The following SLC19A1 variants were observed in gnomAD, a reference collection of about 807,000 sequenced individuals.
SLC19A1 encodes the protein solute carrier family 19 member 1, also known as reduced folate transporter.
A neutral mutation model predicts 35.3 loss-of-function variants in SLC19A1; 37 were observed. The observed-to-expected ratio is 1.05, with a 90% CI of 0.81 to 1.38. The LOEUF (loss-of-function observed/expected upper bound fraction) is 1.38, where lower values mean the gene tolerates loss of function less well. Ranked by LOEUF, SLC19A1 falls within the 40% of genes most tolerant of loss-of-function variation. The probability of loss-of-function intolerance (pLI) is 0.00; values close to 1 mark genes in which losing one functional copy is unlikely to be tolerated. For missense variants in SLC19A1, 831 were observed against 826.9 expected (o/e 1.00, Z -0.06); for synonymous variants, 460 against 398.5 (o/e 1.15, Z -1.84).
In SLC19A1 at chr21:45,534,394, G is replaced by A. The variant is rs1316954054; in HGVS notation, c.190-2246C>T. The A allele has an allele frequency of 3.0e-6, 2 of 664,398 alleles. No homozygotes were observed. The highest frequency in any genetic ancestry group is 2.8e-5 in the East Asian group (1 of 35,734). The allele number at this position is 664,398 out of a possible 1,614,324, so 41.2% of individuals were successfully genotyped here. Reference sequence around the variant, plus strand: ...CCCAGACACAGGAGGCTGCGTGGGGGCATGACAGCCCCAGCCCCTGGCCGG... The same window carrying A: ...CCCAGACACAGGAGGCTGCGTGGGGACATGACAGCCCCAGCCCCTGGCCGG... On this transcript the variant is annotated intron_variant, in intron 2 of 5. Transcript: ENST00000311124. This position sits in a 1 kb window ranked among gnomAD's most constrained non-coding sequence, Gnocchi z 4.2.
rs2078253684 is a variant in SLC19A1, at chr21:45,540,021, G to T, written c.-49-2013C>A. 6.6e-6 allele frequency among the ~76,000 whole-genome samples: 1 copy of T among 152,128 alleles called. No homozygotes were observed. Among genetic ancestry groups the T allele is most frequent in the Non-Finnish European group, 1.5e-5 (1 of 68,004 alleles). On this transcript the variant is annotated intron_variant, in intron 1 of 5. Coordinates refer to ENST00000311124, the MANE Select transcript of SLC19A1 (RefSeq NM_194255.4). This position sits in a 1 kb window ranked among gnomAD's most constrained non-coding sequence, Gnocchi z 5.5. The stretch of plus-strand genomic sequence containing the variant: ...AAGCGCAGGCAGGGGCCACTGCCAG[G>T]CCGAGGCAGATCTGACGGTCGCCTG...
chr21:45,545,369 G>A (rs758843553), upstream of SLC19A1, among the ~76,000 whole-genome samples: 8 of 151,670 alleles, frequency 5.3e-5, no homozygotes, highest in Non-Finnish European at 1.0e-4. Context: ...AAAAGAGTCC[G>A]GGACCCCCCC....
intron 5 of SLC19A1, among the ~76,000 whole-genome samples, chr21:45,518,242 A>G (rs1406787811): frequency 6.6e-6 from 1 of 152,224 alleles, no homozygotes; most frequent in East Asian, 1.9e-4. Context: ...AATCATCTCA[A>G]CAACAAAATA....
chr21:45,549,281 A>AG (rs1212834402), upstream of SLC19A1, among the ~76,000 whole-genome samples: 6 of 152,018 alleles, frequency 3.9e-5, no homozygotes. Flanking sequence ...TCTGTAGGGG[A>AG]GGGAGGCTCC....
chr21:45,512,068 C>T (rs935563533), downstream of SLC19A1: 265 of 1,121,420 alleles, frequency 2.4e-4, no homozygotes, highest in Middle Eastern at 1.2e-3. Flanking sequence ...GTGGGAGCCT[C>T]TGCAGCCCCC....
chr21:45,543,388 C>T (rs955714773), upstream of SLC19A1, among the ~76,000 whole-genome samples: 2 of 152,238 alleles, frequency 1.3e-5, no homozygotes, highest in African/African-American at 4.8e-5. Context: ...AAGTCCACTG[C>T]ACAGAACAGA....
Position 45,515,035 on chromosome 21 carries a change from G to C in SLC19A1, c.*623C>G, listed in dbSNP as rs774629533. The stretch of plus-strand genomic sequence containing the variant: ...CCATGGAGGGCTGCCCTTAGGGTGG[G>C]AGAGAGGAACCAGCTCCGAGGACCA... On this transcript the variant is annotated 3_prime_UTR_variant, in exon 6 of 6. Coordinates refer to ENST00000311124, the MANE Select transcript of SLC19A1 (RefSeq NM_194255.4). The C allele has an allele frequency of 6.5e-7, 1 of 1,542,706 alleles. No homozygotes were observed. The highest frequency in any genetic ancestry group is 1.2e-5 in the South Asian group (1 of 82,536).
At chr21:45,562,828 T>G (rs2078627425) in exon 1 of SLC19A1, among the ~76,000 whole-genome samples, 1 of 152,204 alleles carries the variant, frequency 6.6e-6, no homozygotes, top group Non-Finnish European at 1.5e-5. Context: ...TTACGGTAGA[T>G]TCCAACAGTC....
intron 1 of SLC19A1, among the ~76,000 whole-genome samples, chr21:45,552,959 C>A (rs571104157): frequency 6.6e-6 from 1 of 151,980 alleles, no homozygotes; most frequent in Non-Finnish European, 1.5e-5. Flanking sequence ...CCCAGCTCTC[C>A]GTGGCGCCCC....
At position 45,530,838 on chromosome 21, in the gene SLC19A1, G is replaced by A. The variant is rs551442375; in HGVS notation, c.1083C>T (p.Ser361=). ...CGAAGGCCGCATAGCACAGCCAGAT[G>A]CTGCTCGGGTGGCGCGTGTGCGCCA... The part of the protein sequence containing the change: ...FLLAHTRHPS[S]IWLCYAAFVL... Residue 361 remains serine, a synonymous_variant, in exon 4 of 6, where the codon AGC becomes AGT. Coordinates refer to ENST00000311124, the MANE Select transcript of SLC19A1 (RefSeq NM_194255.4). The surrounding 1 kb of genome is among the most constrained non-coding windows in gnomAD (Gnocchi z 5.3). 8.0e-5 allele frequency: 122 copies of A among 1,526,862 alleles called. 1 individual carries two copies. In the South Asian group the frequency reaches 1.4e-3, roughly 18 times the overall value. 94.6% of individuals were successfully genotyped at this position (1,526,862 alleles called of 1,614,324 possible). A position where few individuals can be genotyped will look rare whatever the true frequency, so the allele number is the denominator to read the frequency against.
chr21:45,528,341 G>C (rs1568992058), intron 4 of SLC19A1, among the ~76,000 whole-genome samples: 1 of 152,158 alleles, frequency 6.6e-6, no homozygotes, highest in Non-Finnish European at 1.5e-5. Flanking sequence ...GGGCACAGGT[G>C]ATTGAAAATA....
intron 3 of SLC19A1, chr21:45,502,857 C>G (rs1373307850): frequency 6.6e-6 from 1 of 152,200 alleles, no homozygotes; most frequent in Non-Finnish European, 1.5e-5. Flanking sequence ...TTTCTCAGCA[C>G]GTCTCCCACG....
Position 45,530,083 on chromosome 21 carries a change from C to T in SLC19A1, c.1151+687G>A, listed in dbSNP as rs1036068544. Among the ~76,000 whole-genome samples, 2 of 131,100 alleles carry T rather than the reference C, an allele frequency of 1.5e-5. No individual in the cohort carries two copies. Among genetic ancestry groups the T allele is most frequent in the African/African-American group, 6.0e-5 (2 of 33,570 alleles). 86.0% of individuals were successfully genotyped at this position (131,100 alleles called of 152,430 possible). On this transcript the variant is annotated intron_variant, in intron 4 of 5. Transcript: ENST00000311124. This position sits in a 1 kb window ranked among gnomAD's most constrained non-coding sequence, Gnocchi z 5.3. Reference sequence around the variant, plus strand: ...CATCTGTGAGCATGTGGTGTGTGTTCGTGTGTGGTGTGTCTGTGTGGTGTA... The same window carrying T: ...CATCTGTGAGCATGTGGTGTGTGTTTGTGTGTGGTGTGTCTGTGTGGTGTA...
At position 45,515,576 on chromosome 21, in the gene SLC19A1, C is replaced by T; in HGVS notation, c.*82G>A. ...GCAGGATAAGCGGAGGCCCCCATTG[C>T]TAAGGCAGGCGGCCCTCGAGGCAGG... is the stretch of plus-strand genomic sequence containing the variant. On this transcript the variant is annotated 3_prime_UTR_variant, in exon 6 of 6. Transcript: ENST00000311124. 1 of 1,584,942 alleles carries T rather than the reference C, an allele frequency of 6.3e-7. No homozygotes were observed.
chr21:45,504,754 C>G (rs1223788805), intron 3 of SLC19A1, among the ~76,000 whole-genome samples: 2 of 152,120 alleles, frequency 1.3e-5, no homozygotes, highest in African/African-American at 4.8e-5. Context: ...CGGACACCCC[C>G]CGTCCCCCTG....
intron 3 of SLC19A1, chr21:45,504,450 A>AT: frequency 6.2e-7 from 1 of 1,611,602 alleles, no homozygotes; most frequent in Non-Finnish European, 8.5e-7. Flanking sequence ...GCAGGACAGA[A>AT]AGGCGAAAGG....
At chr21:45,521,001 C>T (rs1052928921) in intron 5 of SLC19A1, among the ~76,000 whole-genome samples, 1 of 137,192 alleles carries the variant, frequency 7.3e-6, no homozygotes, top group Non-Finnish European at 1.5e-5. Flanking sequence ...GCCTGGGCAA[C>T]AAGAGCGAAA....
In SLC19A1 at chr21:45,505,339, C is replaced by T. The variant is rs375236772; in HGVS notation, c.498-6727G>A. 4.4e-4 allele frequency: 702 copies of T among 1,593,298 alleles called. 5 individuals carry two copies. In the African/African-American group the frequency reaches 8.8e-3, roughly 20 times the overall value. ...GCCTCGTGTGGCTTCGTGTTCCCACCTTGGTTTCTCTCCTGCAGCTATCAG... is the reference window on the plus strand; with the variant it reads ...GCCTCGTGTGGCTTCGTGTTCCCACTTTGGTTTCTCTCCTGCAGCTATCAG... On this transcript the variant is annotated intron_variant, in intron 3 of 4. Transcript: ENST00000417954.
In SLC19A1 at chr21:45,534,692, ACCT is replaced by A; in HGVS notation, c.190-2547_190-2545del. Reference sequence around the variant, plus strand: ...AGAGCCCTCCCGCTCCTCTCCCTGCACCTCCTCAACGGCCCCTACTCCCTCTTC... The same window carrying A: ...AGAGCCCTCCCGCTCCTCTCCCTGCACCTCAACGGCCCCTACTCCCTCTTC... On this transcript the variant is annotated intron_variant, in intron 2 of 5. Transcript: ENST00000311124. The surrounding 1 kb of genome is among the most constrained non-coding windows in gnomAD (Gnocchi z 4.2). 9.2e-7 allele frequency: 1 copy of A among 1,085,526 alleles called. No homozygotes were observed. Among genetic ancestry groups the A allele is most frequent in the Non-Finnish European group, 1.3e-6 (1 of 743,736 alleles). The allele number at this position is 1,085,526 out of a possible 1,614,324, so 67.2% of individuals were successfully genotyped here.
Sources: allele counts gnomAD v4.1 joint callset (sites outside exome capture counted in the v4.1 genomes callset), GRCh38; gene constraint gnomAD v4.1.1; non-coding constraint Gnocchi (gnomAD v3.1); transcripts MANE v1.5; gene names NCBI Gene and HGNC (gene_info 2026-07-23, HGNC 2026-07-21).